Variants in ARHGEF9 observed in about 807,000 individuals in gnomAD.
The protein encoded by ARHGEF9 is Cdc42 guanine nucleotide exchange factor 9.
Under a neutral mutation model 41.3 loss-of-function variants are expected in ARHGEF9, and 2 were observed. The observed-to-expected ratio is 0.05, with a 90% CI of 0.02 to 0.15. The LOEUF (loss-of-function observed/expected upper bound fraction) is 0.15, where lower values mean the gene tolerates loss of function less well. ARHGEF9 is among the 10% of genes least tolerant of loss of function. ARHGEF9 has a pLI of 1.00. For missense variants in ARHGEF9, 225 were observed against 424.7 expected (o/e 0.53, Z 4.13); for synonymous variants, 160 against 154.4 (o/e 1.04, Z -0.27).
At position 63,681,174 on chromosome X, in the gene ARHGEF9, G is replaced by A. The variant is rs141620355; in HGVS notation, c.583-2602C>T. On this transcript the variant is annotated intron_variant, in intron 4 of 9. Transcript: ENST00000671741. ...AAGTACTACCTCCTTGGATGCTCTG[G>A]CCCAGTGACCCAGCACAGCTACCAT... 1.2e-4 allele frequency among the ~76,000 whole-genome samples: 13 copies of A among 111,276 alleles called. No homozygotes were observed. In the East Asian group the frequency reaches 3.4e-3, roughly 29 times the overall value.
chrX:63,753,706 G>A (rs1412085775), intron 1 of ARHGEF9, among the ~76,000 whole-genome samples: 12 of 111,199 alleles, frequency 1.1e-4, no homozygotes, highest in African/African-American at 3.6e-4. Flanking sequence ...CAAGGAAATT[G>A]ACATTTTAAA....
chrX:63,742,643 A>C (rs1556427972), intron 1 of ARHGEF9, among the ~76,000 whole-genome samples: 3 of 111,891 alleles, frequency 2.7e-5, no homozygotes. Context: ...GACCATAGAA[A>C]CTGGTAATGG....
intron 2 of ARHGEF9, among the ~76,000 whole-genome samples, chrX:63,710,345 G>A (rs1569483844): frequency 9.6e-6 from 1 of 104,377 alleles, no homozygotes; most frequent in African/African-American, 3.5e-5. Flanking sequence ...GGCTTCACTG[G>A]TGAATTCTAC....
intron 1 of ARHGEF9, among the ~76,000 whole-genome samples, chrX:63,741,629 T>A (rs781786843): frequency 8.9e-6 from 1 of 112,730 alleles, no homozygotes; most frequent in African/African-American, 3.2e-5. Context: ...GGAGTGCATG[T>A]CCTGGGTAAC....
At chrX:63,711,253 C>T (rs1199638873) in intron 2 of ARHGEF9, among the ~76,000 whole-genome samples, 13 of 111,631 alleles carry the variant, frequency 1.2e-4, no homozygotes, top group African/African-American at 1.9e-4. Flanking sequence ...TCAGATTCAA[C>T]GCAATACCTA....
intron 1 of ARHGEF9, among the ~76,000 whole-genome samples, chrX:63,776,632 G>C (rs2056297408): frequency 8.9e-6 from 1 of 111,758 alleles, no homozygotes; most frequent in Non-Finnish European, 1.9e-5. Flanking sequence ...ATCCAACTTG[G>C]ACATTATAGC....
chrX:63,763,072 C>T (rs2056060170), intron 1 of ARHGEF9, among the ~76,000 whole-genome samples: 2 of 111,752 alleles, frequency 1.8e-5, no homozygotes, highest in East Asian at 5.6e-4. Context: ...TTCCAGTCAA[C>T]AGTAGGCTAT....
At chrX:63,757,448 C>G (rs186429245) in intron 1 of ARHGEF9, among the ~76,000 whole-genome samples, 117 of 111,631 alleles carry the variant, frequency 1.0e-3, no homozygotes, top group South Asian at 1.5e-3. Context: ...GTCATCTCCT[C>G]CCACTCTTGC....
intron 2 of ARHGEF9, among the ~76,000 whole-genome samples, chrX:63,721,970 T>C (rs1238314131): frequency 8.9e-6 from 1 of 111,852 alleles, no homozygotes; most frequent in African/African-American, 3.3e-5. Context: ...TCAAGACACA[T>C]ATACCTGGTA....
intron 6 of ARHGEF9, among the ~76,000 whole-genome samples, chrX:63,667,956 T>C (rs1490849593): frequency 2.7e-5 from 3 of 110,458 alleles, no homozygotes; most frequent in Non-Finnish European, 5.7e-5. Context: ...TGTGCTACAG[T>C]CCACTTTGAA....
At chrX:63,775,211 C>T (rs185031864) in intron 1 of ARHGEF9, among the ~76,000 whole-genome samples, 1 of 112,503 alleles carries the variant, frequency 8.9e-6, no homozygotes, top group African/African-American at 3.2e-5. Flanking sequence ...AAAGGCAACA[C>T]TTATACACTG....
chrX:63,723,560 T>C (rs1389549669), intron 2 of ARHGEF9, among the ~76,000 whole-genome samples: 1 of 112,117 alleles, frequency 8.9e-6, no homozygotes, highest in Admixed American at 9.4e-5. Flanking sequence ...GTACTTGTCT[T>C]GCCACAAAGC....
chrX:63,688,665 G>A (rs1386885096), intron 4 of ARHGEF9, among the ~76,000 whole-genome samples: 2 of 111,883 alleles, frequency 1.8e-5, no homozygotes, highest in African/African-American at 6.5e-5. Flanking sequence ...ACCTACTCAG[G>A]AAGCTGAGAT....
intron 8 of ARHGEF9, among the ~76,000 whole-genome samples, chrX:63,652,614 T>C (rs1309862734): frequency 7.2e-5 from 8 of 111,560 alleles, no homozygotes; most frequent in Non-Finnish European, 1.1e-4. Flanking sequence ...TGGAATGTTA[T>C]ACAGCTGTTT....
At chrX:63,663,339 C>T (rs1179858756) in intron 7 of ARHGEF9, among the ~76,000 whole-genome samples, 2 of 111,189 alleles carry the variant, frequency 1.8e-5, no homozygotes, top group Non-Finnish European at 3.8e-5. Flanking sequence ...ATTCATGAAA[C>T]TCTTTTGTCA....
At chrX:63,782,311 G>A (rs1176326195) in intron 1 of ARHGEF9, among the ~76,000 whole-genome samples, 1 of 111,705 alleles carries the variant, frequency 9.0e-6, no homozygotes, top group Admixed American at 9.5e-5. Context: ...AGAATACTGA[G>A]AATAAAGTAG....
At chrX:63,653,690 A>G (rs2048695032) in intron 8 of ARHGEF9, among the ~76,000 whole-genome samples, 1 of 111,529 alleles carries the variant, frequency 9.0e-6, no homozygotes, top group African/African-American at 3.2e-5. Flanking sequence ...CACTGTTAAC[A>G]CTGGTTATTT....
At chrX:63,702,180 T>C (rs781952122) in intron 3 of ARHGEF9, among the ~76,000 whole-genome samples, 1 of 112,513 alleles carries the variant, frequency 8.9e-6, no homozygotes, top group East Asian at 2.8e-4. Flanking sequence ...TCTGGAGGCA[T>C]TTGAAGACAG....
intron 8 of ARHGEF9, 70 bp downstream of exon 8, chrX:63,655,424 A>C (rs1428836661): frequency 1.2e-5 from 14 of 1,196,051 alleles, no homozygotes; most frequent in Non-Finnish European, 1.6e-5. Context: ...ACTCCAAGAA[A>C]ATGGAAACCA....
Sources: gnomAD v4.1 joint callset for allele counts (sites outside exome capture counted in the v4.1 genomes callset) on GRCh38, gnomAD v4.1.1 for gene constraint, MANE v1.5 for transcripts, NCBI Gene and HGNC (gene_info 2026-07-23, HGNC 2026-07-21) for gene names.